Variants in UNC13B observed in about 807,000 individuals in gnomAD.
UNC13B encodes the protein unc-13 homolog B.
A neutral mutation model predicts 211.0 loss-of-function variants in UNC13B; 144 were observed. The observed-to-expected ratio is 0.68, with a 90% CI of 0.60 to 0.78. The LOEUF (loss-of-function observed/expected upper bound fraction) is 0.78, where lower values mean the gene tolerates loss of function less well. Among genes scored for constraint, UNC13B ranks in the 30% least tolerant of loss-of-function variants. UNC13B has a pLI of 0.00. For missense variants in UNC13B, 1,777 were observed against 2,002.0 expected (o/e 0.89, Z 2.14); for synonymous variants, 709 against 725.8 (o/e 0.98, Z 0.37).
At chr9:35,339,855 T>C (rs1469917906) in intron 11 of UNC13B, among the ~76,000 whole-genome samples, 2 of 152,224 alleles carry the variant, frequency 1.3e-5, no homozygotes, top group Non-Finnish European at 2.9e-5. Flanking sequence ...TAGGGCCACT[T>C]TGTCAATTAG....
rs369788431 is a variant in UNC13B, at chr9:35,242,097, G to A, written c.395-1194G>A. On this transcript the variant is annotated intron_variant, in intron 5 of 39. Coordinates refer to ENST00000635942, the MANE Select transcript of UNC13B (RefSeq NM_001371189.2). The stretch of plus-strand genomic sequence containing the variant: ...TGGTCATACTTGATGTTTTTAAAAG[G>A]TGAGTTTTGGGGAGAAGTTGTTATA... Among the ~76,000 whole-genome samples, 47 of 152,260 alleles carry A rather than the reference G, an allele frequency of 3.1e-4. No individual in the cohort carries two copies. In the South Asian group the frequency reaches 9.3e-3, roughly 30 times the overall value.
chr9:35,270,955 A>T (rs778461641), intron 7 of UNC13B, among the ~76,000 whole-genome samples: 1 of 152,142 alleles, frequency 6.6e-6, no homozygotes, highest in Non-Finnish European at 1.5e-5. Flanking sequence ...CCTGGCCAAC[A>T]TGGTGAAACC....
intron 13 of UNC13B, 126 bp from the exon 14 acceptor site, chr9:35,375,001 T>A: frequency 3.1e-6 from 3 of 963,466 alleles, no homozygotes; most frequent in Non-Finnish European, 4.9e-6. Context: ...TTGCTGTGAG[T>A]GACAATAAAA....
intron 26 of UNC13B, among the ~76,000 whole-genome samples, chr9:35,393,380 A>T (rs1054420855): frequency 1.3e-5 from 2 of 151,982 alleles, no homozygotes; most frequent in African/African-American, 4.8e-5. Context: ...CATTTCAAGC[A>T]GAGGCTACAG....
intron 1 of UNC13B, among the ~76,000 whole-genome samples, chr9:35,221,807 C>T (rs1283078856): frequency 6.6e-6 from 1 of 152,178 alleles, no homozygotes; most frequent in Admixed American, 6.5e-5. Context: ...ATTCCTGACT[C>T]ATTTCAAGTT....
chr9:35,300,859 A>G lies in UNC13B; in HGVS notation c.1455A>G (p.Ser485=). 2.5e-6 allele frequency: 1 copy of G among 398,960 alleles called. No homozygotes were observed. Among genetic ancestry groups the G allele is most frequent in the African/African-American group, 2.1e-5 (1 of 48,750 alleles). The allele number at this position is 398,960 out of a possible 1,614,324, so 24.7% of individuals were successfully genotyped here. A position where few individuals can be genotyped will look rare whatever the true frequency, so the allele number is the denominator to read the frequency against. ...EKEEEINRFG[S]LSKTKKSHKQ... ...AAGAGGAGATTAATAGATTTGGTTC[A>G]CTTTCAAAAACTAAAAAATCACATA... Residue 485 remains serine (S), a synonymous_variant, in exon 9 of 40, where the codon TCA becomes TCG. Transcript: ENST00000635942.
chr9:35,364,647 A>ATGTG lies in UNC13B; in HGVS notation c.9415-2286_9415-2283dup, dbSNP rs34002086. ...TCCCAAGCACTGTATGTGTGTGTGT[A>ATGTG]TGTGTGTGTGTGTGTGTACATGCAC... On this transcript the variant is annotated intron_variant, in intron 11 of 39. Transcript: ENST00000635942. 62 of 1,357,386 alleles carry ATGTG rather than the reference A, an allele frequency of 4.6e-5. No homozygotes were observed. In the African/African-American group the frequency reaches 7.3e-4, roughly 16 times the overall value. The allele number at this position is 1,357,386 out of a possible 1,614,324, so 84.1% of individuals were successfully genotyped here.
At chr9:35,370,610 T>C (rs755926609) in intron 13 of UNC13B, among the ~76,000 whole-genome samples, 1 of 152,246 alleles carries the variant, frequency 6.6e-6, no homozygotes, top group Non-Finnish European at 1.5e-5. Context: ...TAGCTCAAGC[T>C]CCTACCTGGA....
At chr9:35,336,968 T>C (rs994890261) in intron 11 of UNC13B, among the ~76,000 whole-genome samples, 3 of 152,208 alleles carry the variant, frequency 2.0e-5, no homozygotes, top group African/African-American at 7.2e-5. Context: ...ACAGAAAGGA[T>C]GAGATGGCAC....
chr9:35,346,690 G>A (rs569619204), intron 11 of UNC13B, among the ~76,000 whole-genome samples: 4 of 152,170 alleles, frequency 2.6e-5, no homozygotes, highest in Non-Finnish European at 4.4e-5. Flanking sequence ...GGTTTTTGTC[G>A]GAATGTGTGT....
chr9:35,295,289 A>T (rs749021946), intron 7 of UNC13B, among the ~76,000 whole-genome samples: 2 of 152,178 alleles, frequency 1.3e-5, no homozygotes, highest in Non-Finnish European at 2.9e-5. Flanking sequence ...TCCCCAAGAT[A>T]TGAAAAAGCT....
At chr9:35,375,016 A>G (rs1274829212) in intron 13 of UNC13B, 111 bp from the exon 14 acceptor site, 45 of 1,057,394 alleles carry the variant, frequency 4.3e-5, no homozygotes, top group Non-Finnish European at 6.4e-5. Context: ...ATAAAAATAG[A>G]AAGTACTGTA....
intron 11 of UNC13B, chr9:35,351,802 T>C (rs1411677753): frequency 1.6e-6 from 2 of 1,232,160 alleles, no homozygotes; most frequent in Non-Finnish European, 2.0e-6. Context: ...CCACTGCCTA[T>C]GTTTCAGGGT....
chr9:35,267,317 T>C (rs945394985), intron 7 of UNC13B, among the ~76,000 whole-genome samples: 1 of 152,176 alleles, frequency 6.6e-6, no homozygotes, highest in Non-Finnish European at 1.5e-5. Context: ...GAATAAGAAA[T>C]GTCTCTCTCA....
chr9:35,323,484 A>C (rs999464907), intron 11 of UNC13B, among the ~76,000 whole-genome samples: 1 of 152,154 alleles, frequency 6.6e-6, no homozygotes, highest in Non-Finnish European at 1.5e-5. Context: ...TTCAAACTTC[A>C]TGGTAAGCCC....
chr9:35,225,463 C>G (rs1360634043), intron 1 of UNC13B, among the ~76,000 whole-genome samples: 1 of 152,176 alleles, frequency 6.6e-6, no homozygotes, highest in Non-Finnish European at 1.5e-5. Context: ...CTGAATGTTT[C>G]TTTTCTTCTT....
At position 35,302,893 on chromosome 9, in the gene UNC13B, T is replaced by G; in HGVS notation, c.3489T>G (p.Ser1163Arg). Reference sequence around the variant, plus strand: ...TTTCTTCTGCTGAAAATTTGTCTAGTCAAGAATTAAATTTGAAAAATGATG... The same window carrying G: ...TTTCTTCTGCTGAAAATTTGTCTAGGCAAGAATTAAATTTGAAAAATGATG... ...NRFSSAENLS[S>R]QELNLKNDDS... is the part of the protein sequence containing the mutation. The change falls in exon 9 of 40, where the codon AGT (serine) becomes AGG (arginine). Residue 1163 changes from serine to arginine, a missense_variant. Physicochemically the swap from Ser to Arg is moderately radical, Grantham distance 110. Coordinates refer to ENST00000635942, the MANE Select transcript of UNC13B (RefSeq NM_001371189.2). The G allele has an allele frequency of 7.5e-6, 3 of 398,656 alleles. No individual in the cohort carries two copies. The highest frequency in any genetic ancestry group is 1.3e-5 in the Non-Finnish European group (3 of 225,758). 24.7% of individuals were successfully genotyped at this position (398,656 alleles called of 1,614,324 possible).
chr9:35,303,567 A>T lies in UNC13B; in HGVS notation c.4163A>T (p.Asp1388Val), dbSNP rs1446334466. 5 of 398,640 alleles carry T rather than the reference A, an allele frequency of 1.3e-5. No homozygotes were observed. Among genetic ancestry groups the T allele is most frequent in the African/African-American group, 1.0e-4 (5 of 48,628 alleles). The allele number at this position is 398,640 out of a possible 1,614,324, so 24.7% of individuals were successfully genotyped here. A position where few individuals can be genotyped will look rare whatever the true frequency, so the allele number is the denominator to read the frequency against. Residue 1388 changes from aspartate (D) to valine (V), a missense_variant, in exon 9 of 40, where the codon GAT (aspartate) becomes GTT (valine). Coordinates refer to ENST00000635942, the MANE Select transcript of UNC13B (RefSeq NM_001371189.2). The part of the protein sequence containing the change: ...MLNQNRFLSA[D>V]ACLWLDSENS... ...AATCAAAATAGATTTCTATCAGCCGATGCTTGCTTGTGGCTTGACTCAGAA... is the reference window on the plus strand; with the variant it reads ...AATCAAAATAGATTTCTATCAGCCGTTGCTTGCTTGTGGCTTGACTCAGAA...
intron 6 of UNC13B, among the ~76,000 whole-genome samples, chr9:35,245,609 T>C (rs1487531166): frequency 1.3e-5 from 2 of 151,416 alleles, no homozygotes; most frequent in African/African-American, 4.9e-5. Flanking sequence ...GTTTGGTTTT[T>C]TGTCCTTGGT....
Sources: gnomAD v4.1 joint callset for allele counts (sites outside exome capture counted in the v4.1 genomes callset) on GRCh38, gnomAD v4.1.1 for gene constraint, MANE v1.5 for transcripts, NCBI Gene and HGNC (gene_info 2026-07-23, HGNC 2026-07-21) for gene names.